The following GRM8 variants were observed in gnomAD, a reference collection of about 807,000 sequenced individuals.
The protein encoded by GRM8 is metabotropic glutamate receptor 8.
In GRM8, 47 loss-of-function variants were observed where a neutral mutation model predicts 87.2. The observed-to-expected ratio is 0.54, with a 90% CI of 0.43 to 0.69. GRM8 has a LOEUF of 0.69. Ranked by LOEUF, GRM8 falls within the 30% of genes least tolerant of loss-of-function variation. The pLI is 0.00. For missense variants in GRM8, 1,019 were observed against 1,139.2 expected (o/e 0.89, Z 1.52); for synonymous variants, 396 against 404.5 (o/e 0.98, Z 0.25).
intron 3 of GRM8, among the ~76,000 whole-genome samples, chr7:127,015,844 G>A (rs140525742): frequency 3.5e-4 from 54 of 152,230 alleles, no homozygotes; most frequent in African/African-American, 1.2e-3. Context: ...CCAGCTGAAA[G>A]AGGAAGAACT....
Position 127,059,367 on chromosome 7 carries a change from T to C in GRM8, c.727+47129A>G, listed in dbSNP as rs920362231. Among the ~76,000 whole-genome samples the C allele has an allele frequency of 6.0e-5, 9 of 150,362 alleles. 2 individuals are homozygous for C. The highest frequency in any genetic ancestry group is 6.8e-3 in the Middle Eastern group (2 of 292). Reference sequence around the variant, plus strand: ...TTTTGTTTTTTTTGAGATGGAGTCTTGCTCTGTCACCCAGGCTGGAGTGCA... The same window carrying C: ...TTTTGTTTTTTTTGAGATGGAGTCTCGCTCTGTCACCCAGGCTGGAGTGCA... On this transcript the variant is annotated intron_variant, in intron 3 of 10. Transcript: ENST00000339582.
At chr7:126,626,066 G>A (rs1255992109) in intron 7 of GRM8, among the ~76,000 whole-genome samples, 1 of 151,382 alleles carries the variant, frequency 6.6e-6, no homozygotes, top group Non-Finnish European at 1.5e-5. Context: ...ATTAATCATT[G>A]TATCTCTAAT....
chr7:127,069,654 G>T (rs902420924), intron 3 of GRM8, among the ~76,000 whole-genome samples: 1 of 152,080 alleles, frequency 6.6e-6, no homozygotes, highest in African/African-American at 2.4e-5. Context: ...CCACCAGAAG[G>T]TTTCTCTCTC....
chr7:126,492,285 A>C (rs1434884186), intron 9 of GRM8, among the ~76,000 whole-genome samples: 3 of 151,954 alleles, frequency 2.0e-5, no homozygotes, highest in African/African-American at 7.2e-5. Context: ...TCCTGGACTC[A>C]AGTGATTCAC....
At chr7:126,543,185 G>T (rs1408682665) in intron 8 of GRM8, among the ~76,000 whole-genome samples, 1 of 152,128 alleles carries the variant, frequency 6.6e-6, no homozygotes. Flanking sequence ...TACAGTACAT[G>T]ATTATGTATT....
At chr7:127,229,801 A>G (rs1049380500) in intron 2 of GRM8, 1 of 152,238 alleles carries the variant, frequency 6.6e-6, no homozygotes, top group Non-Finnish European at 1.5e-5. Context: ...GAGACAGTGT[A>G]GGTATGATTA....
At chr7:126,674,040 T>A (rs1022939339) in intron 7 of GRM8, among the ~76,000 whole-genome samples, 1 of 152,178 alleles carries the variant, frequency 6.6e-6, no homozygotes, top group Non-Finnish European at 1.5e-5. Context: ...CAGTTGAACA[T>A]CATTTCTACC....
At chr7:127,183,021 C>G (rs1182818018) in intron 2 of GRM8, among the ~76,000 whole-genome samples, 1 of 151,786 alleles carries the variant, frequency 6.6e-6, no homozygotes, top group Non-Finnish European at 1.5e-5. Context: ...AACCAAATAC[C>G]ACCTGTACTC....
chr7:126,479,778 A>G (rs928378611), intron 9 of GRM8, among the ~76,000 whole-genome samples: 21 of 152,152 alleles, frequency 1.4e-4, no homozygotes, highest in African/African-American at 4.8e-4. Flanking sequence ...ACAGATAGAT[A>G]GATAGAACCA....
At chr7:126,571,977 G>A (rs959983035) in intron 8 of GRM8, among the ~76,000 whole-genome samples, 5 of 151,988 alleles carry the variant, frequency 3.3e-5, no homozygotes, top group Admixed American at 6.6e-5. Context: ...TCCTGACCTC[G>A]TGATCCTCCT....
intron 2 of GRM8, among the ~76,000 whole-genome samples, chr7:127,196,705 C>G (rs1292715428): frequency 6.6e-6 from 1 of 152,122 alleles, no homozygotes; most frequent in Non-Finnish European, 1.5e-5. Context: ...AAAGCAGAGC[C>G]TTGAGCAAGG....
chr7:126,647,580 C>T (rs1585358881), intron 7 of GRM8, among the ~76,000 whole-genome samples: 1 of 152,032 alleles, frequency 6.6e-6, no homozygotes, highest in Non-Finnish European at 1.5e-5. Context: ...CAGAAATGAA[C>T]TATCAAGCTC....
intron 3 of GRM8, among the ~76,000 whole-genome samples, chr7:127,102,238 A>G (rs2133039929): frequency 6.6e-6 from 1 of 152,264 alleles, no homozygotes; most frequent in African/African-American, 2.4e-5. Flanking sequence ...AGCAGGGTAT[A>G]AAAGTTTGGA....
intron 3 of GRM8, among the ~76,000 whole-genome samples, chr7:127,050,376 C>A (rs1417054426): frequency 6.6e-6 from 1 of 152,162 alleles, no homozygotes; most frequent in Non-Finnish European, 1.5e-5. Flanking sequence ...CTACTTCACA[C>A]CAGGTACGAA....
intron 6 of GRM8, among the ~76,000 whole-genome samples, chr7:126,900,958 T>C (rs1802017889): frequency 6.6e-6 from 1 of 152,148 alleles, no homozygotes; most frequent in South Asian, 2.1e-4. Context: ...TGAGCAATTC[T>C]CTAGATGAAG....
At chr7:126,636,664 G>GTT (rs920114088) in intron 7 of GRM8, among the ~76,000 whole-genome samples, 2 of 150,790 alleles carry the variant, frequency 1.3e-5, no homozygotes, top group African/African-American at 4.9e-5. Flanking sequence ...CATACTTCTA[G>GTT]TTTTTTTTTC....
rs536722948 is a variant in GRM8, at chr7:126,513,970, G to C, written c.2430+18982C>G. 4.5e-4 allele frequency among the ~76,000 whole-genome samples: 69 copies of C among 152,028 alleles called. 1 individual carries two copies. The highest frequency in any genetic ancestry group is 8.5e-4 in the Admixed American group (13 of 15,236). Reference sequence around the variant, plus strand: ...TCAAGAACAAAATTTTAATCATCAGGTTCTAAAAAGAAACAAAGTAGAGAG... The same window carrying C: ...TCAAGAACAAAATTTTAATCATCAGCTTCTAAAAAGAAACAAAGTAGAGAG... On this transcript the variant is annotated intron_variant, in intron 9 of 10. Transcript: ENST00000339582.
At chr7:126,864,679 A>G (rs1034919305) in intron 6 of GRM8, among the ~76,000 whole-genome samples, 1 of 152,060 alleles carries the variant, frequency 6.6e-6, no homozygotes, top group Admixed American at 6.6e-5. Context: ...AGATTATTCT[A>G]TATTTCTAGA....
At chr7:127,134,848 T>C (rs965142459) in intron 2 of GRM8, among the ~76,000 whole-genome samples, 3 of 152,156 alleles carry the variant, frequency 2.0e-5, no homozygotes, top group Non-Finnish European at 2.9e-5. Flanking sequence ...AGCTTCCTCC[T>C]GAGCTCTGAA....
Sources: gnomAD v4.1 joint callset for allele counts (sites outside exome capture counted in the v4.1 genomes callset) on GRCh38, gnomAD v4.1.1 for gene constraint, MANE v1.5 for transcripts, NCBI Gene and HGNC (gene_info 2026-07-23, HGNC 2026-07-21) for gene names.